ATXN7L1: variants seen among roughly 807,000 people sequenced by gnomAD.
ATXN7L1 encodes the protein ataxin-7-like protein 1.
A neutral mutation model predicts 70.8 loss-of-function variants in ATXN7L1; 15 were observed. The observed-to-expected ratio is 0.21, with a 90% CI of 0.14 to 0.33. The LOEUF (loss-of-function observed/expected upper bound fraction) is 0.33. ATXN7L1 is among the 10% of genes least tolerant of loss of function. ATXN7L1 has a pLI of 1.00. For missense variants in ATXN7L1, 975 were observed against 1,097.1 expected (o/e 0.89, Z 1.57); for synonymous variants, 440 against 445.1 (o/e 0.99, Z 0.14).
At chr7:105,761,009 G>T in intron 3 of ATXN7L1, 1 of 293,614 alleles carries the variant, frequency 3.4e-6, no homozygotes, top group Non-Finnish European at 5.2e-6. Flanking sequence ...CAAGTCAAGA[G>T]AATGACATGA....
intron 2 of ATXN7L1, among the ~76,000 whole-genome samples, chr7:105,808,553 T>C (rs552299837): frequency 6.6e-6 from 1 of 152,228 alleles, no homozygotes; most frequent in Admixed American, 6.5e-5. Flanking sequence ...ATTAGAAGCA[T>C]CTCTGGGACA....
At chr7:105,653,428 C>G (rs1304523503) in intron 4 of ATXN7L1, among the ~76,000 whole-genome samples, 1 of 152,100 alleles carries the variant, frequency 6.6e-6, no homozygotes, top group Admixed American at 6.5e-5. Context: ...AGCCTAGAAG[C>G]CAGGGAGAGA....
chr7:105,697,547 C>G (rs975133731), intron 3 of ATXN7L1, among the ~76,000 whole-genome samples: 4 of 152,136 alleles, frequency 2.6e-5, no homozygotes, highest in African/African-American at 9.7e-5. Flanking sequence ...TCATATTGCT[C>G]AAACACACAT....
Position 105,727,622 on chromosome 7 carries a change from T to C in ATXN7L1, c.355+60982A>G, listed in dbSNP as rs558506691. On this transcript the variant is annotated intron_variant, in intron 3 of 11. Transcript: ENST00000419735. ...AGGCAGAGGTTGCAGTGAGCCTAGA[T>C]AGTGCCATTGCACTCCAGCCTGGGC... Among the ~76,000 whole-genome samples the C allele has an allele frequency of 3.5e-5, 5 of 141,362 alleles. No homozygotes were observed. In the South Asian group the frequency reaches 9.0e-4, roughly 25 times the overall value. The allele number at this position is 141,362 out of a possible 152,430, so 92.7% of individuals were successfully genotyped here. A position where few individuals can be genotyped will look rare whatever the true frequency, so the allele number is the denominator to read the frequency against.
At chr7:105,736,145 T>C (rs761032976) in intron 3 of ATXN7L1, among the ~76,000 whole-genome samples, 1 of 152,186 alleles carries the variant, frequency 6.6e-6, no homozygotes. Flanking sequence ...TTCTGTGGGC[T>C]TCCCAGGACT....
intron 3 of ATXN7L1, among the ~76,000 whole-genome samples, chr7:105,758,146 G>A (rs1239965689): frequency 6.6e-6 from 1 of 152,164 alleles, no homozygotes; most frequent in African/African-American, 2.4e-5. Context: ...TAAGAGCTAT[G>A]GTGGAATGAA....
At chr7:105,687,989 T>C (rs1468053776) in intron 3 of ATXN7L1, among the ~76,000 whole-genome samples, 1 of 152,182 alleles carries the variant, frequency 6.6e-6, no homozygotes, top group Non-Finnish European at 1.5e-5. Flanking sequence ...TGCTTTTTAC[T>C]TAAAGAATTC....
chr7:105,740,827 C>T (rs184586430), intron 3 of ATXN7L1, among the ~76,000 whole-genome samples: 2,744 of 132,062 alleles, frequency 0.021, 50 homozygotes, highest in Non-Finnish European at 0.028. Flanking sequence ...TGCGGTGGTG[C>T]GATCTTGGCT....
chr7:105,619,585 T>G, intron 9 of ATXN7L1, among the ~76,000 whole-genome samples: 1 of 124,900 alleles, frequency 8.0e-6, no homozygotes, highest in Non-Finnish European at 1.6e-5. Context: ...AGGGTCTTGC[T>G]CCATTGCTCA....
At chr7:105,665,377 C>T (rs894085399) in intron 3 of ATXN7L1, 89 bp from the exon 4 acceptor site, 105 of 1,063,604 alleles carry the variant, frequency 9.9e-5, no homozygotes, top group Non-Finnish European at 1.4e-4. Flanking sequence ...ACACAACAGG[C>T]GGAGAGAAGC....
intron 3 of ATXN7L1, among the ~76,000 whole-genome samples, chr7:105,666,110 C>G (rs1802573206): frequency 1.3e-5 from 2 of 152,138 alleles, no homozygotes; most frequent in Non-Finnish European, 2.9e-5. Flanking sequence ...TGTGCACCCG[C>G]TATGGGGTTC....
intron 2 of ATXN7L1, among the ~76,000 whole-genome samples, chr7:105,849,162 A>C (rs765473792): frequency 2.0e-5 from 3 of 152,180 alleles, no homozygotes; most frequent in Non-Finnish European, 2.9e-5. Context: ...GGCCATCACC[A>C]CTGGCCTGAG....
intron 2 of ATXN7L1, among the ~76,000 whole-genome samples, chr7:105,854,757 T>C (rs1054276605): frequency 2.0e-5 from 3 of 151,926 alleles, no homozygotes; most frequent in African/African-American, 7.3e-5. Flanking sequence ...AGTTGTAAGC[T>C]GGGGCCAGCT....
chr7:105,736,058 G>C lies in ATXN7L1; in HGVS notation c.355+52546C>G, dbSNP rs75356664. Among the ~76,000 whole-genome samples, 53 of 152,290 alleles carry C rather than the reference G, an allele frequency of 3.5e-4. 1 individual carries two copies. The East Asian group carries it at 0.01, about 29-fold the overall frequency. ...AATCATTTTCTTGGCTTCTGAAGAT[G>C]GGTGATCCAAAGGGACTCTAGAGTT... On this transcript the variant is annotated intron_variant, in intron 3 of 11. Coordinates refer to ENST00000419735, the MANE Select transcript of ATXN7L1 (RefSeq NM_020725.2).
At chr7:105,630,287 T>C (rs1176175648) in intron 7 of ATXN7L1, among the ~76,000 whole-genome samples, 1 of 152,058 alleles carries the variant, frequency 6.6e-6, no homozygotes, top group Non-Finnish European at 1.5e-5. Flanking sequence ...CTTACTAAAA[T>C]AACAGTAAAG....
At chr7:105,838,002 A>T (rs1812656847) in intron 2 of ATXN7L1, among the ~76,000 whole-genome samples, 1 of 152,200 alleles carries the variant, frequency 6.6e-6, no homozygotes, top group Admixed American at 6.5e-5. Context: ...TCCCTCGGAA[A>T]ATAGCTTCCC....
intron 3 of ATXN7L1, chr7:105,679,276 G>T: frequency 2.2e-6 from 1 of 446,512 alleles, no homozygotes; most frequent in Non-Finnish European, 3.0e-6. Flanking sequence ...ATGAACTTGG[G>T]TATTCCTGAA....
chr7:105,727,767 T>TATATATATATATATATATATATATATA (rs34755557), intron 3 of ATXN7L1, among the ~76,000 whole-genome samples: 7 of 100,262 alleles, frequency 7.0e-5, no homozygotes, highest in African/African-American at 2.0e-4. Context: ...TATATATATA[T>TATATATATATATATATATATATATATA]ATATATATAT....
intron 7 of ATXN7L1, among the ~76,000 whole-genome samples, chr7:105,635,344 C>T (rs1797200295): frequency 6.6e-6 from 1 of 152,176 alleles, no homozygotes; most frequent in Non-Finnish European, 1.5e-5. Context: ...TTATTCCAGG[C>T]CCCTCGGGCT....
Sources: allele counts gnomAD v4.1 joint callset (sites outside exome capture counted in the v4.1 genomes callset), GRCh38; gene constraint gnomAD v4.1.1; transcripts MANE v1.5; gene names NCBI Gene and HGNC (gene_info 2026-07-23, HGNC 2026-07-21).